The following SH3YL1 variants were observed in gnomAD, a reference collection of about 807,000 sequenced individuals.
SH3YL1 encodes the protein SH3 and SYLF domain containing 1.
SH3YL1 carries 41 observed loss-of-function variants against 45.8 expected under a neutral mutation model. The ratio of observed to expected loss-of-function variants is 0.89; its 90% CI spans 0.70 to 1.16. SH3YL1 has a LOEUF of 1.16. Among genes scored for constraint, SH3YL1 ranks in the 50% most tolerant of loss-of-function variants. SH3YL1 has a pLI of 0.00. For synonymous variants in SH3YL1, 152 were observed against 151.4 expected (o/e 1.00, Z -0.03); for missense variants, 389 against 409.6 (o/e 0.95, Z 0.43).
intron 1 of SH3YL1, among the ~76,000 whole-genome samples, chr2:254,936 A>G (rs776676313): frequency 6.6e-6 from 1 of 152,202 alleles, no homozygotes; most frequent in Non-Finnish European, 1.5e-5. Flanking sequence ...TCTTCTATCT[A>G]TTTATGATCA....
At chr2:249,630 A>T in intron 3 of SH3YL1, 101 bp downstream of exon 3, 1 of 835,552 alleles carries the variant, frequency 1.2e-6, no homozygotes, top group Non-Finnish European at 1.9e-6. Flanking sequence ...TTTAGTTGAT[A>T]TGCAGGAAAC....
In SH3YL1 at chr2:262,507, A is replaced by ACATGC. The variant is rs570998343; in HGVS notation, c.1+1472_1+1476dup. The ACATGC allele has an allele frequency of 4.3e-5, 47 of 1,105,070 alleles. No homozygotes were observed. The African/African-American group carries it at 6.4e-4, about 15-fold the overall frequency. The allele number at this position is 1,105,070 out of a possible 1,614,324, so 68.5% of individuals were successfully genotyped here. A position where few individuals can be genotyped will look rare whatever the true frequency, so the allele number is the denominator to read the frequency against. On this transcript the variant is annotated intron_variant, in intron 1 of 9. Coordinates refer to ENST00000356150, the MANE Select transcript of SH3YL1 (RefSeq NM_015677.4). ...TGATCTTGGTACAGAGCAGTTCCACACATGCCACACTGGTCTGATCTTTTA... is the reference window on the plus strand; with the variant it reads ...TGATCTTGGTACAGAGCAGTTCCACACATGCCATGCCACACTGGTCTGATCTTTTA...
At chr2:264,381 G>A (rs778781242), upstream of SH3YL1, 6 of 221,972 alleles carry the variant, frequency 2.7e-5, no homozygotes, top group Non-Finnish European at 5.3e-5. Context: ...CGAACGACAG[G>A]CACCACAGCC....
At chr2:221,022 C>T (rs987349218) in intron 9 of SH3YL1, among the ~76,000 whole-genome samples, 42 of 148,982 alleles carry the variant, frequency 2.8e-4, no homozygotes, top group Non-Finnish European at 4.9e-4. Context: ...GAGCAGCCAC[C>T]GCGAACTGCT....
chr2:247,657 A>G (rs1668887675), intron 3 of SH3YL1, 55 bp from the exon 4 acceptor site: 1 of 1,382,518 alleles, frequency 7.2e-7, no homozygotes, highest in Non-Finnish European at 9.9e-7. Flanking sequence ...TCGACATGTA[A>G]ATATAGGAAG....
At chr2:261,779 G>A (rs902514502) in intron 1 of SH3YL1, among the ~76,000 whole-genome samples, 3 of 152,194 alleles carry the variant, frequency 2.0e-5, no homozygotes, top group South Asian at 2.1e-4. Flanking sequence ...GAAGACCCAA[G>A]GGCCCCTCTC....
intron 1 of SH3YL1, chr2:262,600 G>A: frequency 1.5e-6 from 2 of 1,304,210 alleles, no homozygotes; most frequent in Non-Finnish European, 2.0e-6. Flanking sequence ...TCTCAGAGCA[G>A]AGAATTTTGT....
chr2:255,695 C>T (rs1669289734), intron 1 of SH3YL1, among the ~76,000 whole-genome samples: 1 of 152,156 alleles, frequency 6.6e-6, no homozygotes, highest in South Asian at 2.1e-4. Context: ...TTCTTTGTGG[C>T]TCAACACAGG....
chr2:229,898 TTTC>T (rs1667956702), intron 8 of SH3YL1, 65 bp downstream of exon 8: 33 of 1,276,196 alleles, frequency 2.6e-5, no homozygotes, highest in Non-Finnish European at 3.7e-5. Flanking sequence ...TGTATCTTGA[TTTC>T]TTAATGATAA....
intron 3 of SH3YL1, among the ~76,000 whole-genome samples, chr2:248,509 G>C (rs553084840): frequency 1.3e-5 from 2 of 152,288 alleles, no homozygotes; most frequent in Admixed American, 1.3e-4. Flanking sequence ...GTCTTATTTG[G>C]ACAGTTTTTA....
At chr2:236,281 CT>C (rs1019389872) in intron 4 of SH3YL1, among the ~76,000 whole-genome samples, 2 of 151,998 alleles carry the variant, frequency 1.3e-5, no homozygotes, top group African/African-American at 2.4e-5. Context: ...CAGGGCACCC[CT>C]GGGTGTGAAG....
At chr2:262,402 C>T in intron 1 of SH3YL1, 2 of 323,502 alleles carry the variant, frequency 6.2e-6, no homozygotes, top group Non-Finnish European at 1.2e-5. Context: ...AAGAGGACAG[C>T]GAAAGCTTTC....
chr2:229,408 G>C (rs1285349064), intron 8 of SH3YL1, among the ~76,000 whole-genome samples: 1 of 152,186 alleles, frequency 6.6e-6, no homozygotes, highest in African/African-American at 2.4e-5. Flanking sequence ...GAAAACCTTT[G>C]AAGATAAATA....
At chr2:226,823 G>T (rs914371866) in intron 8 of SH3YL1, among the ~76,000 whole-genome samples, 1 of 151,552 alleles carries the variant, frequency 6.6e-6, no homozygotes, top group African/African-American at 2.4e-5. Flanking sequence ...TACATATACT[G>T]GGGAGTATAT....
rs564545307 is a variant in SH3YL1 at position 248,167 on chromosome 2, G to C, written c.227-565C>G. Among the ~76,000 whole-genome samples the C allele has an allele frequency of 2.0e-5, 3 of 152,242 alleles. No individual in the cohort carries two copies. In the East Asian group the frequency reaches 5.8e-4, roughly 29 times the overall value. On this transcript the variant is annotated intron_variant, in intron 3 of 9. Transcript: ENST00000356150. ...AAGATAAATCACATTTAGAAACTAA[G>C]TACAGTAATTCCATTTGCCATGATA...
chr2:236,279 C>A (rs1439045782), intron 4 of SH3YL1, among the ~76,000 whole-genome samples: 1 of 151,656 alleles, frequency 6.6e-6, no homozygotes, highest in East Asian at 1.9e-4. Context: ...GCCAGGGCAC[C>A]CCTGGGTGTG....
chr2:248,759 C>A (rs532296684), intron 3 of SH3YL1, among the ~76,000 whole-genome samples: 25 of 152,268 alleles, frequency 1.6e-4, no homozygotes, highest in African/African-American at 6.0e-4. Flanking sequence ...GAATGTGCCT[C>A]TACTTTGTTT....
intron 8 of SH3YL1, among the ~76,000 whole-genome samples, chr2:228,354 CA>C (rs1036260482): frequency 2.0e-5 from 3 of 152,220 alleles, no homozygotes; most frequent in Non-Finnish European, 4.4e-5. Flanking sequence ...AAAGCTCACA[CA>C]AGGGGGTTAT....
At chr2:251,328 T>G (rs1034301881) in intron 2 of SH3YL1, among the ~76,000 whole-genome samples, 6 of 152,190 alleles carry the variant, frequency 3.9e-5, no homozygotes, top group African/African-American at 1.4e-4. Flanking sequence ...GTTTAAATAT[T>G]TTGTAGATGC....
Sources: allele counts gnomAD v4.1 joint callset (sites outside exome capture counted in the v4.1 genomes callset), GRCh38; gene constraint gnomAD v4.1.1; transcripts MANE v1.5; gene names NCBI Gene and HGNC (gene_info 2026-07-23, HGNC 2026-07-21).